Variants in COG5 observed in about 807,000 individuals in gnomAD.
COG5 encodes conserved oligomeric Golgi complex subunit 5.
Under a neutral mutation model 110.4 loss-of-function variants are expected in COG5, and 86 were observed. The ratio of observed to expected loss-of-function variants is 0.78; its 90% CI spans 0.65 to 0.93. COG5 has a LOEUF of 0.93. Ranked by LOEUF, COG5 falls within the 40% of genes least tolerant of loss-of-function variation. The pLI is 0.00. For synonymous variants in COG5, 360 were observed against 334.6 expected, an observed-to-expected ratio of 1.08 and a Z score of -0.83; for missense variants, 1,077 against 987.0, an observed-to-expected ratio of 1.09 and a Z score of -1.22.
At chr7:107,208,570 A>G (rs966586630) in intron 21 of COG5, 9 of 985,308 alleles carry the variant, frequency 9.1e-6, no homozygotes, top group Non-Finnish European at 1.1e-5. Context: ...CCACACAGAC[A>G]TTGCAAATCC....
intron 14 of COG5, among the ~76,000 whole-genome samples, chr7:107,269,514 T>C (rs182606966): frequency 6.6e-6 from 1 of 152,082 alleles, no homozygotes; most frequent in Admixed American, 6.6e-5. Context: ...TAAGTGAATA[T>C]ATCTATGGCT....
chr7:107,534,061 A>T (rs1362772891), intron 5 of COG5, among the ~76,000 whole-genome samples: 1 of 151,696 alleles, frequency 6.6e-6, no homozygotes, highest in Non-Finnish European at 1.5e-5. Flanking sequence ...ATATCCAGCC[A>T]AACTAAGCAT....
In COG5 at chr7:107,527,306, T is replaced by A; in HGVS notation, c.469A>T (p.Arg157Ter). ...CCCCCTTGCAGTTGTCCTTGGAGTC[T>A]CTTACTGAGATTCAAGATACGAATA... Reference protein sequence around the residue: ...RIIRILNLSKRLQGQLQGGSR... With the variant: ...RIIRILNLSK Residue 157 changes from arginine (R) to a stop codon, truncating the protein, a stop_gained, in exon 6 of 22, where the codon AGA becomes TGA. Coordinates refer to ENST00000297135, the MANE Select transcript of COG5 (RefSeq NM_006348.5). LOFTEE classifies it high-confidence loss of function. The A allele has an allele frequency of 6.2e-7, 1 of 1,613,164 alleles. No individual in the cohort carries two copies. The highest frequency in any genetic ancestry group is 1.1e-5 in the South Asian group (1 of 90,956).
At chr7:107,227,084 T>C (rs1800396523) in intron 19 of COG5, among the ~76,000 whole-genome samples, 1 of 152,186 alleles carries the variant, frequency 6.6e-6, no homozygotes, top group African/African-American at 2.4e-5. Context: ...CTTGGCTCCC[T>C]GTCACTAGAG....
intron 14 of COG5, among the ~76,000 whole-genome samples, chr7:107,273,677 T>G (rs1388381574): frequency 6.6e-6 from 1 of 152,178 alleles, no homozygotes; most frequent in African/African-American, 2.4e-5. Context: ...AGTAAAAAGT[T>G]ATTCAATTGC....
intron 11 of COG5, among the ~76,000 whole-genome samples, chr7:107,310,912 T>C (rs1808173344): frequency 6.6e-6 from 1 of 152,082 alleles, no homozygotes; most frequent in Non-Finnish European, 1.5e-5. Flanking sequence ...ATAAAAGTTC[T>C]CAGCACATAT....
At chr7:107,314,146 C>G (rs570940986) in intron 11 of COG5, among the ~76,000 whole-genome samples, 2 of 151,926 alleles carry the variant, frequency 1.3e-5, no homozygotes, top group African/African-American at 4.8e-5. Context: ...ACAGGAGACA[C>G]GAGCACAAAC....
chr7:107,465,372 T>C (rs1796237850), intron 6 of COG5, among the ~76,000 whole-genome samples: 1 of 152,162 alleles, frequency 6.6e-6, no homozygotes, highest in Non-Finnish European at 1.5e-5. Flanking sequence ...ACTGAAGAAA[T>C]AATTAAATAC....
chr7:107,441,286 A>G (rs1186103662), intron 6 of COG5, among the ~76,000 whole-genome samples: 2 of 149,168 alleles, frequency 1.3e-5, no homozygotes, highest in Admixed American at 1.3e-4. Context: ...AAGAATTACC[A>G]ATCCTGAGGA....
At chr7:107,466,528 T>C (rs574061133) in intron 6 of COG5, among the ~76,000 whole-genome samples, 1 of 152,342 alleles carries the variant, frequency 6.6e-6, no homozygotes, top group South Asian at 2.1e-4. Flanking sequence ...ATGTGCTTTA[T>C]CAAATATAAT....
chr7:107,253,613 C>T (rs1011155682), intron 16 of COG5, among the ~76,000 whole-genome samples: 2 of 151,998 alleles, frequency 1.3e-5, no homozygotes, highest in Non-Finnish European at 2.9e-5. Flanking sequence ...TAAATGTATA[C>T]TCAATATTAA....
At chr7:107,303,171 C>T (rs1162368210) in intron 11 of COG5, among the ~76,000 whole-genome samples, 1 of 152,012 alleles carries the variant, frequency 6.6e-6, no homozygotes, top group Non-Finnish European at 1.5e-5. Context: ...CCACCTCGGC[C>T]ACCAAAGTGT....
chr7:107,367,289 A>G (rs530804380), intron 8 of COG5, among the ~76,000 whole-genome samples: 1 of 152,094 alleles, frequency 6.6e-6, no homozygotes, highest in African/African-American at 2.4e-5. Flanking sequence ...TGAAAAATCA[A>G]CTAGATTATG....
At chr7:107,220,632 A>C (rs948556686) in intron 19 of COG5, among the ~76,000 whole-genome samples, 2 of 152,144 alleles carry the variant, frequency 1.3e-5, no homozygotes, top group Non-Finnish European at 2.9e-5. Context: ...CTAAACTCCA[A>C]ATCCAGCCCA....
chr7:107,384,969 T>C (rs1172936041), intron 7 of COG5, among the ~76,000 whole-genome samples: 2 of 152,218 alleles, frequency 1.3e-5, no homozygotes, highest in African/African-American at 2.4e-5. Context: ...TTGAACAATG[T>C]CCTTCCAAAA....
intron 13 of COG5, among the ~76,000 whole-genome samples, chr7:107,282,675 C>G (rs1391492960): frequency 2.6e-5 from 4 of 152,056 alleles, no homozygotes; most frequent in Admixed American, 6.6e-5. Flanking sequence ...GCGTGCACCA[C>G]CAGGCCCAGC....
intron 17 of COG5, among the ~76,000 whole-genome samples, chr7:107,241,991 A>G (rs981184020): frequency 3.3e-5 from 5 of 152,036 alleles, no homozygotes; most frequent in African/African-American, 1.2e-4. Flanking sequence ...CATGCTGCCT[A>G]GGCTGGTCCT....
chr7:107,349,160 A>G (rs1811903145), intron 10 of COG5, among the ~76,000 whole-genome samples: 1 of 152,226 alleles, frequency 6.6e-6, no homozygotes, highest in Non-Finnish European at 1.5e-5. Flanking sequence ...TTACCAATTT[A>G]CAGAAGTACA....
chr7:107,316,657 CAAAAAAAAAAAAA>C (rs760555445), intron 11 of COG5, among the ~76,000 whole-genome samples: 2 of 75,918 alleles, frequency 2.6e-5, no homozygotes, highest in Admixed American at 1.6e-4. Flanking sequence ...ACTAAAAATA[CAAAAAAAAAAAAA>C]AAAAAAAAAA....
Sources: gnomAD v4.1 joint callset for allele counts (sites outside exome capture counted in the v4.1 genomes callset) on GRCh38, gnomAD v4.1.1 for gene constraint, MANE v1.5 for transcripts, NCBI Gene and HGNC (gene_info 2026-07-23, HGNC 2026-07-21) for gene names.